Variants in MAN2A1 observed in about 807,000 individuals in gnomAD.
MAN2A1 encodes the protein alpha-mannosidase 2.
MAN2A1 carries 76 observed loss-of-function variants against 142.6 expected under a neutral mutation model. That is an observed-to-expected ratio of 0.53 (90% confidence interval 0.44 to 0.65). The LOEUF (loss-of-function observed/expected upper bound fraction) is 0.65. Ranked by LOEUF, MAN2A1 falls within the 30% of genes least tolerant of loss-of-function variation. The probability of loss-of-function intolerance (pLI) is 0.00; values close to 1 mark genes in which losing one functional copy is unlikely to be tolerated. For synonymous variants in MAN2A1, 559 were observed against 473.2 expected (o/e 1.18, Z -2.35); for missense variants, 1,311 against 1,365.1 (o/e 0.96, Z 0.62).
intron 12 of MAN2A1, among the ~76,000 whole-genome samples, chr5:109,806,261 C>A (rs1206038770): frequency 1.3e-5 from 2 of 152,174 alleles, no homozygotes; most frequent in African/African-American, 4.8e-5. Context: ...CTCTGACTCC[C>A]TGACGGATTG....
intron 17 of MAN2A1, among the ~76,000 whole-genome samples, chr5:109,843,189 C>T (rs1378913690): frequency 6.6e-6 from 1 of 152,162 alleles, no homozygotes; most frequent in African/African-American, 2.4e-5. Flanking sequence ...GTTTAATTGA[C>T]TCACAGTTCT....
At chr5:109,782,048 T>C (rs1011370629) in intron 9 of MAN2A1, among the ~76,000 whole-genome samples, 28 of 152,182 alleles carry the variant, frequency 1.8e-4, no homozygotes, top group African/African-American at 5.3e-4. Flanking sequence ...CCAAAACTAA[T>C]GTATTTTGTA....
intron 1 of MAN2A1, among the ~76,000 whole-genome samples, chr5:109,697,898 T>G (rs1750858931): frequency 2.0e-5 from 3 of 152,238 alleles, no homozygotes; most frequent in Admixed American, 2.0e-4. Flanking sequence ...TTAAAACTTG[T>G]GTTATCTACA....
At chr5:109,792,154 A>G (rs372257230) in intron 12 of MAN2A1, among the ~76,000 whole-genome samples, 2 of 152,202 alleles carry the variant, frequency 1.3e-5, no homozygotes, top group East Asian at 1.9e-4. Context: ...CAGCACCAAT[A>G]ATTTAAGTTC....
In MAN2A1 at chr5:109,867,157, G is replaced by C. The variant is rs199754184; in HGVS notation, c.*159G>C. Reference sequence around the variant, plus strand: ...CTTTTTTCTTTTACCAGTACAGTAAGAAAAAAAAAAAAAAAAAAAAAGCCA... The same window carrying C: ...CTTTTTTCTTTTACCAGTACAGTAACAAAAAAAAAAAAAAAAAAAAAGCCA... On this transcript the variant is annotated 3_prime_UTR_variant, in exon 22 of 22. Coordinates refer to ENST00000261483, the MANE Select transcript of MAN2A1 (RefSeq NM_002372.4). 125 of 93,774 alleles carry C rather than the reference G, an allele frequency of 1.3e-3. No homozygotes were observed. The highest frequency in any genetic ancestry group is 9.2e-3 in the East Asian group (27 of 2,932). The allele number at this position is 93,774 out of a possible 1,614,324, so 5.8% of individuals were successfully genotyped here.
At chr5:109,749,805 A>G (rs1752499360) in intron 4 of MAN2A1, among the ~76,000 whole-genome samples, 1 of 152,062 alleles carries the variant, frequency 6.6e-6, no homozygotes, top group African/African-American at 2.4e-5. Context: ...TGTCAGAGAA[A>G]TAGTTCAATT....
At chr5:109,836,330 T>G (rs1755054354) in intron 16 of MAN2A1, among the ~76,000 whole-genome samples, 1 of 151,888 alleles carries the variant, frequency 6.6e-6, no homozygotes, top group Non-Finnish European at 1.5e-5. Context: ...TTGGGCAGGC[T>G]GGTCTCAAAT....
chr5:109,719,540 T>C (rs1470147892), intron 3 of MAN2A1, among the ~76,000 whole-genome samples: 2 of 152,172 alleles, frequency 1.3e-5, no homozygotes, highest in African/African-American at 2.4e-5. Flanking sequence ...TACTCCTAAA[T>C]GAATGTGCAA....
chr5:109,702,730 T>A (rs1417641892), intron 1 of MAN2A1, among the ~76,000 whole-genome samples: 2 of 152,210 alleles, frequency 1.3e-5, no homozygotes, highest in Non-Finnish European at 2.9e-5. Context: ...TTTGTATCCT[T>A]AACTCATCTT....
At position 109,825,246 on chromosome 5, in the gene MAN2A1, A is replaced by G. The variant is rs560052454; in HGVS notation, c.2566+1409A>G. ...CAACTTTATAGCATTACCCCACAGA[A>G]GATATGCTGATCTATTTTTAAGTTT... On this transcript the variant is annotated intron_variant, in intron 16 of 21. Transcript: ENST00000261483. 1.2e-4 allele frequency among the ~76,000 whole-genome samples: 19 copies of G among 152,326 alleles called. 1 individual carries two copies. Among genetic ancestry groups the G allele is most frequent in the Admixed American group, 5.2e-4 (8 of 15,306 alleles).
chr5:109,772,525 T>C (rs998685850), intron 7 of MAN2A1, among the ~76,000 whole-genome samples: 19 of 152,154 alleles, frequency 1.2e-4, no homozygotes, highest in Non-Finnish European at 1.5e-4. Flanking sequence ...CCCCACTTTT[T>C]TTGAGACAGG....
chr5:109,857,967 C>T (rs76686304), intron 20 of MAN2A1, among the ~76,000 whole-genome samples: 36 of 152,240 alleles, frequency 2.4e-4, no homozygotes, highest in African/African-American at 8.4e-4. Context: ...TAAAAACAGA[C>T]GAAATCCTAT....
chr5:109,749,033 T>C (rs991398808), intron 4 of MAN2A1, among the ~76,000 whole-genome samples: 1 of 152,094 alleles, frequency 6.6e-6, no homozygotes, highest in Non-Finnish European at 1.5e-5. Context: ...TTAAAATTTT[T>C]TTAAAATTTA....
At chr5:109,857,658 CT>C (rs1454866365) in intron 20 of MAN2A1, among the ~76,000 whole-genome samples, 1 of 152,226 alleles carries the variant, frequency 6.6e-6, no homozygotes, top group South Asian at 2.1e-4. Context: ...TTTATGTCAC[CT>C]TTTTTTGTGG....
intron 19 of MAN2A1, among the ~76,000 whole-genome samples, chr5:109,852,921 A>C (rs1035610907): frequency 1.3e-5 from 2 of 152,208 alleles, no homozygotes; most frequent in African/African-American, 4.8e-5. Flanking sequence ...CATGAATGGC[A>C]GAACTCTGGG....
rs768735679 is a variant in MAN2A1, at chr5:109,759,956, TATATATATAGATAGATAGATAG to T, written c.835+4504_835+4525del. ...TTTATTTGAATTGTTGCTATATATA[TATATATATAGATAGATAGATAG>T]ATAGATAGATAGATAGATAGATAGA... is the stretch of plus-strand genomic sequence containing the variant. On this transcript the variant is annotated intron_variant, in intron 5 of 21. Coordinates refer to ENST00000261483, the MANE Select transcript of MAN2A1 (RefSeq NM_002372.4). 5.0e-3 allele frequency among the ~76,000 whole-genome samples: 613 copies of T among 122,272 alleles called. 5 individuals carry two copies. The highest frequency in any genetic ancestry group is 0.014 in the African/African-American group (536 of 38,944). 80.2% of individuals were successfully genotyped at this position (122,272 alleles called of 152,430 possible).
At chr5:109,813,851 T>G (rs1455443282) in intron 12 of MAN2A1, among the ~76,000 whole-genome samples, 1 of 152,240 alleles carries the variant, frequency 6.6e-6, no homozygotes, top group Non-Finnish European at 1.5e-5. Flanking sequence ...CATAAAGTGA[T>G]TCCCAGTTTG....
chr5:109,848,533 T>G (rs1430046856), intron 19 of MAN2A1, among the ~76,000 whole-genome samples: 6 of 152,228 alleles, frequency 3.9e-5, no homozygotes, highest in Non-Finnish European at 7.3e-5. Context: ...GACAGGGCTC[T>G]CTGTTCCAGT....
chr5:109,829,707 C>T (rs1162184241), intron 16 of MAN2A1, among the ~76,000 whole-genome samples: 2 of 152,184 alleles, frequency 1.3e-5, no homozygotes, highest in Non-Finnish European at 2.9e-5. Context: ...GAAAGCCCTG[C>T]TCTTGTCTGC....
Sources: allele counts gnomAD v4.1 joint callset (sites outside exome capture counted in the v4.1 genomes callset), GRCh38; gene constraint gnomAD v4.1.1; transcripts MANE v1.5; gene names NCBI Gene and HGNC (gene_info 2026-07-23, HGNC 2026-07-21).